The following ADAM22 variants were observed in gnomAD, a reference collection of about 807,000 sequenced individuals.
The protein encoded by ADAM22 is ADAM metallopeptidase domain 22, also known as disintegrin and metalloproteinase domain-containing protein 22.
Under a neutral mutation model 144.6 loss-of-function variants are expected in ADAM22, and 65 were observed. The ratio of observed to expected loss-of-function variants is 0.45; its 90% CI spans 0.37 to 0.55. The LOEUF is 0.55. Ranked by LOEUF, ADAM22 falls within the 20% of genes least tolerant of loss-of-function variation. The pLI is 0.00. For missense variants in ADAM22, 974 were observed against 1,184.9 expected, an observed-to-expected ratio of 0.82 and a Z score of 2.61; for synonymous variants, 391 against 412.6, an observed-to-expected ratio of 0.95 and a Z score of 0.63.
chr7:88,010,939 A>G (rs1165438513), intron 3 of ADAM22, among the ~76,000 whole-genome samples: 2 of 152,222 alleles, frequency 1.3e-5, no homozygotes, highest in East Asian at 1.9e-4. Flanking sequence ...AATTCACTCT[A>G]AGTCTCAGAA....
chr7:87,947,897 T>TTGTA (rs1435383063), intron 2 of ADAM22, among the ~76,000 whole-genome samples: 2 of 152,158 alleles, frequency 1.3e-5, no homozygotes, highest in East Asian at 1.9e-4. Context: ...AGACAGAGCC[T>TTGTA]TGTACATAAC....
rs1584722037 is a variant in ADAM22 at position 87,972,033 on chromosome 7, T to A, written c.247-6303T>A. On this transcript the variant is annotated intron_variant, in intron 2 of 31. Coordinates refer to ENST00000413139, the MANE Select transcript of ADAM22 (RefSeq NM_001324418.2). ...GTGAAACCCTGTCTCTACTCAGGGA[T>A]GCCCTCTGTCACCACTCCTATTCAA... 2.0e-5 allele frequency among the ~76,000 whole-genome samples: 3 copies of A among 152,280 alleles called. No individual in the cohort carries two copies. In the South Asian group the frequency reaches 6.2e-4, roughly 32 times the overall value.
chr7:87,958,732 A>G (rs1344520001), intron 2 of ADAM22, among the ~76,000 whole-genome samples: 1 of 151,854 alleles, frequency 6.6e-6, no homozygotes, highest in Non-Finnish European at 1.5e-5. Context: ...GTATCTAGTT[A>G]TTTTACTTTC....
rs966833770 is a variant in ADAM22, at chr7:88,101,205, C to T, written c.391-6971C>T. Among the ~76,000 whole-genome samples, 4 of 104,628 alleles carry T rather than the reference C, an allele frequency of 3.8e-5. No individual in the cohort carries two copies. The Admixed American group carries it at 5.1e-4, about 13-fold the overall frequency. 68.6% of individuals were successfully genotyped at this position (104,628 alleles called of 152,430 possible). On this transcript the variant is annotated intron_variant, in intron 4 of 31. Coordinates refer to ENST00000413139, the MANE Select transcript of ADAM22 (RefSeq NM_001324418.2). ...TTTTAAAAGAGCTTCCCATGTGTTACAATATGCTGCCAGGTTGGCAACTAC... is the reference window on the plus strand; with the variant it reads ...TTTTAAAAGAGCTTCCCATGTGTTATAATATGCTGCCAGGTTGGCAACTAC...
chr7:88,038,763 A>C (rs941248052), intron 3 of ADAM22, among the ~76,000 whole-genome samples: 1 of 151,542 alleles, frequency 6.6e-6, no homozygotes, highest in Non-Finnish European at 1.5e-5. Context: ...TAACTGAATA[A>C]TAGATATTTC....
At chr7:87,941,989 A>T (rs1259184984) in intron 2 of ADAM22, among the ~76,000 whole-genome samples, 1 of 152,194 alleles carries the variant, frequency 6.6e-6, no homozygotes, top group Admixed American at 6.5e-5. Context: ...TTTTTCTCAC[A>T]ACACACTGAG....
intron 2 of ADAM22, 128 bp from the exon 3 acceptor site, chr7:87,978,208 C>T (rs774596557): frequency 4.8e-5 from 36 of 746,776 alleles, no homozygotes; most frequent in Non-Finnish European, 6.8e-5. Context: ...AATATGTTTT[C>T]ACTTATTCTC....
chr7:88,113,738 A>ATATATG (rs1167393529), intron 5 of ADAM22, among the ~76,000 whole-genome samples: 10 of 130,840 alleles, frequency 7.6e-5, no homozygotes, highest in African/African-American at 2.6e-4. Context: ...ATATATATAT[A>ATATATG]TAGTAAGTCC....
At chr7:87,942,742 G>A (rs1050953156) in intron 2 of ADAM22, among the ~76,000 whole-genome samples, 3 of 152,094 alleles carry the variant, frequency 2.0e-5, no homozygotes, top group Non-Finnish European at 4.4e-5. Context: ...TTGTAGATAT[G>A]TACACTCTCT....
At chr7:88,089,515 T>C (rs1383259223) in intron 4 of ADAM22, among the ~76,000 whole-genome samples, 1 of 152,158 alleles carries the variant, frequency 6.6e-6, no homozygotes, top group Non-Finnish European at 1.5e-5. Context: ...ATTTTTCTTT[T>C]CCAATAGAGC....
In ADAM22 at chr7:88,192,434, G is replaced by T. The variant is rs763443091; in HGVS notation, c.2751-682G>T. On this transcript the variant is annotated intron_variant, in intron 30 of 31. Coordinates refer to ENST00000413139, the MANE Select transcript of ADAM22 (RefSeq NM_001324418.2). ...CCACTACACATGCAAAATCAATCAA[G>T]TACAGCATAATACAGCAGCAGCTTA... Among the ~76,000 whole-genome samples, 37 of 152,296 alleles carry T rather than the reference G, an allele frequency of 2.4e-4. No homozygotes were observed. In the Middle Eastern group the frequency reaches 0.01, roughly 42 times the overall value.
chr7:87,976,564 T>G (rs984530017), intron 2 of ADAM22, among the ~76,000 whole-genome samples: 1 of 152,216 alleles, frequency 6.6e-6, no homozygotes, highest in Non-Finnish European at 1.5e-5. Flanking sequence ...CCACCCAGTC[T>G]GTGGTATTTT....
intron 5 of ADAM22, among the ~76,000 whole-genome samples, chr7:88,108,699 A>T (rs1825177727): frequency 6.6e-6 from 1 of 151,920 alleles, no homozygotes; most frequent in Non-Finnish European, 1.5e-5. Context: ...ACTGCACTCC[A>T]GCCTGTGGGA....
chr7:88,006,627 A>G (rs1165247485), intron 3 of ADAM22, among the ~76,000 whole-genome samples: 1 of 147,952 alleles, frequency 6.8e-6, no homozygotes, highest in East Asian at 2.0e-4. Context: ...AATCCAGCAT[A>G]TAAACAGAAC....
intron 3 of ADAM22, among the ~76,000 whole-genome samples, chr7:88,035,852 T>C (rs927940423): frequency 3.3e-5 from 5 of 152,204 alleles, no homozygotes. Flanking sequence ...AAAATACTGC[T>C]ACCAAATTAG....
chr7:88,138,804 G>A (rs1833749880), intron 14 of ADAM22, among the ~76,000 whole-genome samples: 1 of 152,202 alleles, frequency 6.6e-6, no homozygotes. Context: ...ATACAGAACT[G>A]TTCAGAAGTT....
intron 3 of ADAM22, among the ~76,000 whole-genome samples, chr7:88,002,519 A>G (rs1792819203): frequency 6.6e-6 from 1 of 152,254 alleles, no homozygotes; most frequent in Non-Finnish European, 1.5e-5. Flanking sequence ...AGAACAGCTG[A>G]TCACTAAACA....
intron 3 of ADAM22, among the ~76,000 whole-genome samples, chr7:88,001,578 A>T (rs1338456628): frequency 1.3e-5 from 2 of 152,040 alleles, no homozygotes; most frequent in Non-Finnish European, 2.9e-5. Context: ...TGAGAATGGG[A>T]TCAAGGCTCC....
At chr7:87,954,950 T>G (rs1042677664) in intron 2 of ADAM22, among the ~76,000 whole-genome samples, 26 of 152,222 alleles carry the variant, frequency 1.7e-4, no homozygotes, top group Non-Finnish European at 3.4e-4. Context: ...TTCTGCATTC[T>G]TCACGTAGTT....
Sources: allele counts gnomAD v4.1 joint callset (sites outside exome capture counted in the v4.1 genomes callset), GRCh38; gene constraint gnomAD v4.1.1; transcripts MANE v1.5; gene names NCBI Gene and HGNC (gene_info 2026-07-23, HGNC 2026-07-21).